Variants in GDF5 observed in about 807,000 individuals in gnomAD.
GDF5 encodes the protein growth differentiation factor 5.
GDF5 carries 17 observed loss-of-function variants against 34.6 expected under a neutral mutation model. That is an observed-to-expected ratio of 0.49 (90% CI 0.34 to 0.74). The LOEUF is 0.74. GDF5 is among the 30% of genes least tolerant of loss of function. The pLI is 0.01. For synonymous variants in GDF5, 332 were observed against 290.7 expected (o/e 1.14, Z -1.44); for missense variants, 616 against 661.2 (o/e 0.93, Z 0.75).
rs1253921890 is a variant in GDF5, at chr20:35,446,971, C to A, written c.-397-5584G>T. Among the ~76,000 whole-genome samples, 5 of 151,980 alleles carry A rather than the reference C, an allele frequency of 3.3e-5. No homozygotes were observed. The East Asian group carries it at 5.8e-4, about 18-fold the overall frequency. On this transcript the variant is annotated intron_variant, in intron 1 of 3. Coordinates refer to the GDF5 transcript ENST00000374372. ...CTCACCCGCGCCGCAAACCTGGTTTCTTTTCTTTTCTTTTTTATTATTATT... is the reference window on the plus strand; with the variant it reads ...CTCACCCGCGCCGCAAACCTGGTTTATTTTCTTTTCTTTTTTATTATTATT...
chr20:35,440,241 G>T (rs7345534), upstream of GDF5, among the ~76,000 whole-genome samples: 12 of 149,914 alleles, frequency 8.0e-5, no homozygotes, highest in East Asian at 2.5e-3. Context: ...TGGAGGCAAA[G>T]GTTGCAGTGA....
At chr20:35,450,198 C>T (rs1265759886) in intron 1 of GDF5, among the ~76,000 whole-genome samples, 3 of 150,314 alleles carry the variant, frequency 2.0e-5, no homozygotes, top group Admixed American at 1.3e-4. Context: ...CCCAGCTTCT[C>T]AGGAGGCTGA....
At position 35,434,147 on chromosome 20, in the gene GDF5, T is replaced by G; in HGVS notation, c.1268A>C (p.Glu423Ala). ...GWDDWIIAPL[E>A]YEAFHCEGLC... ...CCCCTCGCAGTGGAAAGCCTCGTAC[T>G]CAAGGGGTGCGATGATCCAGTCGTC... Residue 423 changes from glutamate to alanine, a missense_variant, in exon 2 of 2, where the codon GAG becomes GCG. By Grantham distance (107) the Glu-to-Ala change is moderately radical. Transcript: ENST00000374369. The G allele has an allele frequency of 6.2e-7, 1 of 1,614,150 alleles. No homozygotes were observed. Among genetic ancestry groups the G allele is most frequent in the African/African-American group, 1.3e-5 (1 of 75,028 alleles).
Position 35,433,987 on chromosome 20 carries a change from G to A in GDF5, c.1428C>T (p.Ile476=), listed in dbSNP as rs2062455281. Residue 476 remains isoleucine, a synonymous_variant, in exon 2 of 2, where the codon ATC becomes ATT. Transcript: ENST00000374369. ...CGTTGTTGGCAGAGTCAATGAAGAG[G>A]ATGCTGATGGGACTCAGCCGCGTGG... ...CVPTRLSPIS[I]LFIDSANNVV... The A allele has an allele frequency of 2.5e-6, 4 of 1,613,936 alleles. No individual in the cohort carries two copies. Among genetic ancestry groups the A allele is most frequent in the Non-Finnish European group, 3.4e-6 (4 of 1,179,810 alleles).
chr20:35,437,803 C>T lies in GDF5; in HGVS notation c.126G>A (p.Leu42=), dbSNP rs1443636348. 10 of 1,613,284 alleles carry T rather than the reference C, an allele frequency of 6.2e-6. No individual in the cohort carries two copies. The highest frequency in any genetic ancestry group is 1.1e-5 in the South Asian group (1 of 91,022). ...GCCTCTCCTTGGCCTCTGCTTTGGC[C>T]AATCCTGGCCTGGTCCCCTGGGGTC... ...GQRPQGTRPG[L]AKAEAKERPP... Residue 42 remains leucine (L), a synonymous_variant, in exon 1 of 2, where the codon TTG becomes TTA. Coordinates refer to ENST00000374369, the MANE Select transcript of GDF5 (RefSeq NM_000557.5).
upstream of GDF5, among the ~76,000 whole-genome samples, chr20:35,441,978 C>T (rs1028379666): frequency 1.3e-5 from 2 of 151,920 alleles, no homozygotes; most frequent in Admixed American, 6.6e-5. Flanking sequence ...GTAGCTAGGA[C>T]TACAGGTGCA....
Position 35,437,350 on chromosome 20 carries a change from C to T in GDF5, c.579G>A (p.Lys193=), listed in dbSNP as rs1418950356. Residue 193 remains lysine, a synonymous_variant, in exon 1 of 2, where the codon AAG becomes AAA. Coordinates refer to ENST00000374369, the MANE Select transcript of GDF5 (RefSeq NM_000557.5). ...TGGTGTTGGCCAGGCCAGCCTCCAA[C>T]TTCACGCTGCTGTTGCCTCCCTTTC... The part of the protein sequence containing the change: ...ADRKGGNSSV[K]LEAGLANTIT... The T allele has an allele frequency of 6.2e-7, 1 of 1,613,418 alleles. No individual in the cohort carries two copies. The highest frequency in any genetic ancestry group is 1.1e-5 in the South Asian group (1 of 91,026).
At chr20:35,435,777 GC>G (rs1270207827) in intron 1 of GDF5, among the ~76,000 whole-genome samples, 1 of 152,162 alleles carries the variant, frequency 6.6e-6, no homozygotes, top group African/African-American at 2.4e-5. Context: ...ACAGTTGTAT[GC>G]ATGTGTGTGA....
chr20:35,435,173 G>A, intron 1 of GDF5: 1 of 483,688 alleles, frequency 2.1e-6, no homozygotes, highest in Admixed American at 3.5e-5. Context: ...CCTGTTGACT[G>A]GGCACAGTGG....
chr20:35,451,049 AAAAAAAAAAAAAAAAATAT>A (rs2062529844), intron 1 of GDF5, among the ~76,000 whole-genome samples: 2 of 83,532 alleles, frequency 2.4e-5, no homozygotes, highest in Non-Finnish European at 6.3e-5. Flanking sequence ...ACAGAAAAAA[AAAAAAAAAAAAAAAAATAT>A]ATATATATAT....
At chr20:35,444,417 C>G (rs2062507742) in intron 1 of GDF5, among the ~76,000 whole-genome samples, 3 of 152,114 alleles carry the variant, frequency 2.0e-5, no homozygotes, top group African/African-American at 7.2e-5. Context: ...GTGGGGGGAA[C>G]AGCAGTTGCA....
chr20:35,434,573 C>T lies in GDF5; in HGVS notation c.842G>A (p.Arg281His). 3 of 1,587,520 alleles carry T rather than the reference C, an allele frequency of 1.9e-6. No homozygotes were observed. The highest frequency in any genetic ancestry group is 1.7e-6 in the Non-Finnish European group (2 of 1,165,398). ...AGATCCGTCCAGGCCTGGCACGGAG[C>T]GCACATCCAGCAAGGCGGCCGGCTG... ...GRQPAALLDV[R>H]SVPGLDGSGW... Residue 281 changes from arginine (R) to histidine (H), a missense_variant, in exon 2 of 2, where the codon CGC becomes CAC. Coordinates refer to ENST00000374369, the MANE Select transcript of GDF5 (RefSeq NM_000557.5).
intron 1 of GDF5, chr20:35,453,994 T>C (rs751801184): frequency 1.9e-6 from 1 of 534,532 alleles, no homozygotes; most frequent in African/African-American, 1.9e-5. Flanking sequence ...CTTTCTAAAA[T>C]GCAGATTCCT....
chr20:35,443,803 C>T (rs1242356253), intron 1 of GDF5, among the ~76,000 whole-genome samples: 1 of 152,096 alleles, frequency 6.6e-6, no homozygotes, highest in East Asian at 1.9e-4. Flanking sequence ...TGAGCCACTG[C>T]GCCGGCCGGC....
chr20:35,448,411 AAAAT>A (rs1194454917), intron 1 of GDF5, among the ~76,000 whole-genome samples: 1 of 119,872 alleles, frequency 8.3e-6, no homozygotes, highest in African/African-American at 3.1e-5. Context: ...AAAAAAAAAA[AAAAT>A]ATATATATAT....
intron 1 of GDF5, among the ~76,000 whole-genome samples, chr20:35,448,409 AAAAAAT>A (rs979960757): frequency 7.2e-6 from 1 of 138,192 alleles, no homozygotes; most frequent in Non-Finnish European, 1.6e-5. Context: ...AAAAAAAAAA[AAAAAAT>A]ATATATATAT....
At chr20:35,444,892 C>T (rs2062509144) in intron 1 of GDF5, among the ~76,000 whole-genome samples, 1 of 152,090 alleles carries the variant, frequency 6.6e-6, no homozygotes, top group Non-Finnish European at 1.5e-5. Flanking sequence ...CGCACCCCGT[C>T]TAATTTTTGT....
At chr20:35,447,206 C>G (rs755622124) in intron 1 of GDF5, among the ~76,000 whole-genome samples, 9 of 152,066 alleles carry the variant, frequency 5.9e-5, no homozygotes, top group African/African-American at 2.2e-4. Context: ...CTTCCCCCTC[C>G]CCCCACCTCA....
At position 35,437,493 on chromosome 20, in the gene GDF5, G is replaced by A. The variant is rs773716417; in HGVS notation, c.436C>T (p.Leu146=). The A allele has an allele frequency of 6.2e-7, 1 of 1,614,150 alleles. No homozygotes were observed. Among genetic ancestry groups the A allele is most frequent in the African/African-American group, 1.3e-5 (1 of 75,056 alleles). The change falls in exon 1 of 2, where the codon CTG becomes TTG. Residue 146 remains leucine (L), a synonymous_variant. Coordinates refer to ENST00000374369, the MANE Select transcript of GDF5 (RefSeq NM_000557.5). ...GGCCCGGGCTCCCTGGCCTTCTTCAGCAGGAAGGAGCTGGGGACAGATCCT... is the reference window on the plus strand; with the variant it reads ...GGCCCGGGCTCCCTGGCCTTCTTCAACAGGAAGGAGCTGGGGACAGATCCT... ...KAGSVPSSFL[L]KKAREPGPPR... is the part of the protein sequence containing the mutation.
Sources: gnomAD v4.1 joint callset for allele counts (sites outside exome capture counted in the v4.1 genomes callset) on GRCh38, gnomAD v4.1.1 for gene constraint, MANE v1.5 for transcripts, NCBI Gene and HGNC (gene_info 2026-07-23, HGNC 2026-07-21) for gene names.